FUT8: variants seen among roughly 807,000 people sequenced by gnomAD.
The protein encoded by FUT8 is fucosyltransferase 8.
A neutral mutation model predicts 71.3 loss-of-function variants in FUT8; 29 were observed. That is an observed-to-expected ratio of 0.41 (90% confidence interval 0.30 to 0.55). The LOEUF (loss-of-function observed/expected upper bound fraction) is 0.55. Ranked by LOEUF, FUT8 falls within the 20% of genes least tolerant of loss-of-function variation. The pLI is 0.34. For missense variants in FUT8, 544 were observed against 702.1 expected (o/e 0.77, Z 2.55); for synonymous variants, 254 against 239.3 (o/e 1.06, Z -0.57).
At chr14:65,542,863 A>T (rs1319404036) in intron 2 of FUT8, among the ~76,000 whole-genome samples, 1 of 151,922 alleles carries the variant, frequency 6.6e-6, no homozygotes, top group East Asian at 1.9e-4. Flanking sequence ...GCTCACTGCA[A>T]CCTCCGCTTC....
chr14:65,500,829 T>C (rs986893641), intron 2 of FUT8, among the ~76,000 whole-genome samples: 4 of 152,202 alleles, frequency 2.6e-5, no homozygotes, highest in African/African-American at 4.8e-5. Context: ...GTTGAAAACT[T>C]GTATTTGCTT....
intron 7 of FUT8, among the ~76,000 whole-genome samples, chr14:65,692,156 C>T (rs1266288588): frequency 6.6e-6 from 1 of 151,956 alleles, no homozygotes; most frequent in Non-Finnish European, 1.5e-5. Flanking sequence ...CAGAGGGGCT[C>T]CTCACTTCCC....
At chr14:65,545,181 T>C (rs1884917115) in intron 2 of FUT8, among the ~76,000 whole-genome samples, 1 of 152,074 alleles carries the variant, frequency 6.6e-6, no homozygotes, top group Non-Finnish European at 1.5e-5. Context: ...AATAAACACA[T>C]TATTTGTAAA....
At chr14:65,365,174 T>C in the FUT8 span, among the ~76,000 whole-genome samples, 2 of 152,204 alleles carry the variant, frequency 1.3e-5, no homozygotes, top group African/African-American at 4.8e-5. Context: ...TTCTTTTAGA[T>C]ATATTAGGCA....
chr14:65,664,883 A>G (rs1892133415), intron 6 of FUT8, among the ~76,000 whole-genome samples: 1 of 152,224 alleles, frequency 6.6e-6, no homozygotes, highest in South Asian at 2.1e-4. Flanking sequence ...AACTGCTCAG[A>G]CTGATTTTGT....
intron 3 of FUT8, among the ~76,000 whole-genome samples, chr14:65,610,009 C>T (rs1184949870): frequency 6.6e-6 from 1 of 151,436 alleles, no homozygotes; most frequent in East Asian, 1.9e-4. Flanking sequence ...TATTAATTTC[C>T]AGTTGTTTTT....
At chr14:65,387,588 T>C in the FUT8 span, among the ~76,000 whole-genome samples, 1 of 152,206 alleles carries the variant, frequency 6.6e-6, no homozygotes, top group Non-Finnish European at 1.5e-5. Flanking sequence ...AGTTGTTGAG[T>C]GCCTGTAAAT....
Position 65,616,331 on chromosome 14 carries a change from G to GTGTTTGTGTT in FUT8, c.440_441insTGTTTGTGTT (p.Arg147SerfsTer8). 6.2e-7 allele frequency: 1 copy of GTGTTTGTGTT among 1,609,566 alleles called. No individual in the cohort carries two copies. The highest frequency in any genetic ancestry group is 8.5e-7 in the Non-Finnish European group (1 of 1,178,478). ...AACTTAGAAGGAAATGAACTCCAAA[G>GTGTTTGTGTT]ACATGCAGATGAATTTCTTTTGGAT... On this transcript the variant is annotated frameshift_variant, in exon 5 of 11. Coordinates refer to ENST00000673929, the MANE Select transcript of FUT8 (RefSeq NM_001371533.1). LOFTEE classifies it high-confidence loss of function.
intron 2 of FUT8, among the ~76,000 whole-genome samples, chr14:65,478,131 G>A (rs1416384991): frequency 1.3e-5 from 2 of 152,018 alleles, no homozygotes; most frequent in Non-Finnish European, 2.9e-5. Flanking sequence ...TAAAGAGAGC[G>A]TTCCCCCCTC....
chr14:65,525,816 C>T (rs28789146), intron 2 of FUT8, among the ~76,000 whole-genome samples: 1,608 of 152,170 alleles, frequency 0.011, 29 homozygotes, highest in African/African-American at 0.037. Context: ...CATTTCGTTA[C>T]GTACCCAGTA....
intron 2 of FUT8, among the ~76,000 whole-genome samples, chr14:65,558,921 T>G (rs1168763298): frequency 6.6e-6 from 1 of 152,178 alleles, no homozygotes; most frequent in Non-Finnish European, 1.5e-5. Flanking sequence ...TAAAAATGTA[T>G]TGCTTTTTAA....
At chr14:65,726,734 T>TC (rs1285008874) in intron 9 of FUT8, among the ~76,000 whole-genome samples, 2 of 151,728 alleles carry the variant, frequency 1.3e-5, no homozygotes, top group African/African-American at 4.8e-5. Context: ...TTCCCAACAG[T>TC]CCCCCCGGAG....
At chr14:65,604,142 G>A (rs1286448523) in intron 3 of FUT8, among the ~76,000 whole-genome samples, 2 of 151,490 alleles carry the variant, frequency 1.3e-5, no homozygotes, top group African/African-American at 4.8e-5. Context: ...GAGATAGACA[G>A]CAACAAAATA....
chr14:65,707,484 C>T (rs544038602), intron 7 of FUT8, among the ~76,000 whole-genome samples: 41 of 152,036 alleles, frequency 2.7e-4, no homozygotes, highest in African/African-American at 8.2e-4. Flanking sequence ...CTGTACAGAA[C>T]GTTTTATTTT....
chr14:65,731,192 G>T (rs953297130), intron 9 of FUT8, among the ~76,000 whole-genome samples: 2 of 152,242 alleles, frequency 1.3e-5, no homozygotes, highest in African/African-American at 4.8e-5. Context: ...TAACCAACAG[G>T]TAGACAATAT....
upstream of FUT8, chr14:65,411,329 G>C (rs1000626928): frequency 6.6e-6 from 1 of 152,214 alleles, no homozygotes; most frequent in Non-Finnish European, 1.5e-5. Flanking sequence ...CGACTGTAAA[G>C]TACAGCACTT....
At chr14:65,404,771 C>T in the FUT8 span, among the ~76,000 whole-genome samples, 4 of 152,226 alleles carry the variant, frequency 2.6e-5, no homozygotes, top group African/African-American at 4.8e-5. Flanking sequence ...CTGCACCCGG[C>T]GCCGGCCTTG....
At chr14:65,542,825 C>T (rs1884755441) in intron 2 of FUT8, among the ~76,000 whole-genome samples, 1 of 152,002 alleles carries the variant, frequency 6.6e-6, no homozygotes, top group Non-Finnish European at 1.5e-5. Flanking sequence ...TCTTGTTGCC[C>T]AGGCTGGAGT....
rs964047509 is a variant in FUT8, at chr14:65,493,139, G to A, written c.-228+37421G>A. On this transcript the variant is annotated intron_variant, in intron 2 of 10. Coordinates refer to ENST00000673929, the MANE Select transcript of FUT8 (RefSeq NM_001371533.1). ...TGGTGAGTATTGCCAATGATATAGC[G>A]TCTAGATTTTAATATCTGCATTGTA... Among the ~76,000 whole-genome samples the A allele has an allele frequency of 7.2e-5, 11 of 152,108 alleles. No homozygotes were observed. In the East Asian group the frequency reaches 7.7e-4, roughly 11 times the overall value.
Sources: gnomAD v4.1 joint callset for allele counts (sites outside exome capture counted in the v4.1 genomes callset) on GRCh38, gnomAD v4.1.1 for gene constraint, MANE v1.5 for transcripts, NCBI Gene and HGNC (gene_info 2026-07-23, HGNC 2026-07-21) for gene names.